Variants in PDZD2 observed in about 807,000 individuals in gnomAD.
The protein encoded by PDZD2 is PDZ domain-containing protein 2.
PDZD2 carries 90 observed loss-of-function variants against 220.7 expected under a neutral mutation model. That is an observed-to-expected ratio of 0.41 (90% CI 0.34 to 0.49). The LOEUF is 0.49. Ranked by LOEUF, PDZD2 falls within the 20% of genes least tolerant of loss-of-function variation. PDZD2 has a pLI of 0.28. For synonymous variants in PDZD2, 1,375 were observed against 1,450.5 expected, an observed-to-expected ratio of 0.95 and a Z score of 1.18; for missense variants, 3,174 against 3,608.5, an observed-to-expected ratio of 0.88 and a Z score of 3.08.
intron 1 of PDZD2, among the ~76,000 whole-genome samples, 182 bp from the exon 2 acceptor site, chr5:31,798,707 G>C (rs1228927950): frequency 6.6e-6 from 1 of 152,152 alleles, no homozygotes; most frequent in Non-Finnish European, 1.5e-5. Context: ...CTGAGAGAAG[G>C]GAGTGTCCAT....
At position 31,725,924 on chromosome 5, in the gene PDZD2, T is replaced by G. The variant is rs962967050; in HGVS notation, c.-360-72965T>G. On this transcript the variant is annotated intron_variant, in intron 1 of 24. Transcript: ENST00000438447. ...CTTCTCACAGGGCCGTTCCTCCAGCTGCCTGGGTCTCCACTCTCTGCCGCA... is the reference window on the plus strand; with the variant it reads ...CTTCTCACAGGGCCGTTCCTCCAGCGGCCTGGGTCTCCACTCTCTGCCGCA... 20 of 680,304 alleles carry G rather than the reference T, an allele frequency of 2.9e-5. No individual in the cohort carries two copies. The Admixed American group carries it at 3.3e-4, about 11-fold the overall frequency. The allele number at this position is 680,304 out of a possible 1,614,324, so 42.1% of individuals were successfully genotyped here.
chr5:31,885,920 GTTT>G (rs11308439), intron 2 of PDZD2, among the ~76,000 whole-genome samples: 3 of 148,094 alleles, frequency 2.0e-5, no homozygotes, highest in South Asian at 2.1e-4. Context: ...TAGTTTTTTG[GTTT>G]TTTTTTTTAA....
intron 21 of PDZD2, among the ~76,000 whole-genome samples, chr5:32,094,148 A>G (rs892622743): frequency 1.3e-5 from 2 of 151,386 alleles, no homozygotes; most frequent in African/African-American, 4.9e-5. Flanking sequence ...CCTGAGTGTG[A>G]GTGGACCTGT....
chr5:32,000,007 G>A lies in PDZD2; in HGVS notation c.1122-132G>A. 1 of 690,228 alleles carries A rather than the reference G, an allele frequency of 1.4e-6. No homozygotes were observed. 42.8% of individuals were successfully genotyped at this position (690,228 alleles called of 1,614,324 possible). On this transcript the variant is annotated intron_variant, in intron 4 of 24. Transcript: ENST00000438447. This position sits in a 1 kb window ranked among gnomAD's most constrained non-coding sequence, Gnocchi z 4.5. ...AACAATCGCATCCCCAACTGCCTCT[G>A]GCCATCACAGTATCCTCTTTAGCCC...
intron 1 of PDZD2, among the ~76,000 whole-genome samples, chr5:31,755,850 C>T (rs757220868): frequency 7.9e-5 from 12 of 151,910 alleles, no homozygotes; most frequent in African/African-American, 4.8e-5. Flanking sequence ...AGAGGAGGAG[C>T]GGGGCCAAGC....
chr5:31,810,129 C>T (rs2150241783), intron 2 of PDZD2, among the ~76,000 whole-genome samples: 1 of 152,280 alleles, frequency 6.6e-6, no homozygotes, highest in South Asian at 2.1e-4. Flanking sequence ...ATAGGCACCC[C>T]TGGGCCATTT....
At chr5:31,726,345 A>G (rs566051913) in intron 1 of PDZD2, among the ~76,000 whole-genome samples, 2 of 152,342 alleles carry the variant, frequency 1.3e-5, no homozygotes, top group East Asian at 3.9e-4. Context: ...CCTGGCCATC[A>G]TGGTGAAACC....
At chr5:32,072,423 T>A in intron 17 of PDZD2, 106 bp downstream of exon 17, 1 of 909,356 alleles carries the variant, frequency 1.1e-6, no homozygotes, top group Non-Finnish European at 1.6e-6. Flanking sequence ...CCTGGCGCTG[T>A]AATACGAGAA....
chr5:31,860,667 T>C (rs1737618611), intron 2 of PDZD2, among the ~76,000 whole-genome samples: 1 of 152,142 alleles, frequency 6.6e-6, no homozygotes, highest in Non-Finnish European at 1.5e-5. Flanking sequence ...TCAGCAGTAG[T>C]CATTAAAAAC....
chr5:31,783,237 G>A (rs151338915), intron 1 of PDZD2, among the ~76,000 whole-genome samples: 101 of 152,190 alleles, frequency 6.6e-4, no homozygotes, highest in African/African-American at 2.3e-3. Context: ...GGGAACACCA[G>A]AAGCATGCAC....
rs912991511 is a variant in PDZD2, at chr5:32,098,942, T to C, written c.8218+308T>C. ...TACATTCACAGCCTCTTGTTAGGAC[T>C]GGTAAGGAAAACAGGAAACTACGTG... On this transcript the variant is annotated intron_variant, in intron 23 of 24. Transcript: ENST00000438447. This position sits in a 1 kb window ranked among gnomAD's most constrained non-coding sequence, Gnocchi z 4.1. Among the ~76,000 whole-genome samples, 1 of 152,178 alleles carries C rather than the reference T, an allele frequency of 6.6e-6. No individual in the cohort carries two copies. Among genetic ancestry groups the C allele is most frequent in the African/African-American group, 2.4e-5 (1 of 41,438 alleles).
intron 2 of PDZD2, among the ~76,000 whole-genome samples, chr5:31,867,594 G>A (rs1287785535): frequency 1.3e-5 from 2 of 152,148 alleles, no homozygotes; most frequent in Non-Finnish European, 1.5e-5. Context: ...AGGGTATCAG[G>A]TGTTCCCTAC....
intron 2 of PDZD2, among the ~76,000 whole-genome samples, chr5:31,980,394 C>T (rs1054651566): frequency 6.6e-6 from 1 of 152,246 alleles, no homozygotes; most frequent in Admixed American, 6.5e-5. Flanking sequence ...AAGAATATTC[C>T]ATTATATGGA....
chr5:31,750,832 G>A lies in PDZD2; in HGVS notation c.-360-48057G>A, dbSNP rs576733691. ...GACTGTGGCTGGAGTGGAGTGAGTA[G>A]GGTGGGTTGTGGGGAAGAAGTAGTC... On this transcript the variant is annotated intron_variant, in intron 1 of 24. Coordinates refer to ENST00000438447, the MANE Select transcript of PDZD2 (RefSeq NM_178140.4). Among the ~76,000 whole-genome samples the A allele has an allele frequency of 6.2e-4, 94 of 152,302 alleles. 1 individual carries two copies. The highest frequency in any genetic ancestry group is 1.5e-3 in the Admixed American group (23 of 15,310).
At chr5:32,035,212 C>A (rs1209034736) in intron 6 of PDZD2, among the ~76,000 whole-genome samples, 1 of 152,002 alleles carries the variant, frequency 6.6e-6, no homozygotes, top group Admixed American at 6.6e-5. Flanking sequence ...AAAGAGATTA[C>A]CTACGTAATT....
At chr5:31,707,574 G>A (rs775545970) in intron 1 of PDZD2, among the ~76,000 whole-genome samples, 33 of 152,182 alleles carry the variant, frequency 2.2e-4, no homozygotes, top group Non-Finnish European at 4.3e-4. Context: ...TGGCTAATAT[G>A]AGTAATACAG....
chr5:31,647,027 T>G (rs566382216), intron 1 of PDZD2, among the ~76,000 whole-genome samples: 1 of 152,288 alleles, frequency 6.6e-6, no homozygotes, highest in South Asian at 2.1e-4. Flanking sequence ...CTTATTGATT[T>G]CTTTATTGGT....
chr5:31,874,878 C>A (rs1739167606), intron 2 of PDZD2, among the ~76,000 whole-genome samples: 1 of 151,562 alleles, frequency 6.6e-6, no homozygotes, highest in African/African-American at 2.4e-5. Context: ...TTTGTTTAAA[C>A]AACAACAACA....
At chr5:31,968,338 A>G (rs1007675855) in intron 2 of PDZD2, among the ~76,000 whole-genome samples, 24 of 152,168 alleles carry the variant, frequency 1.6e-4, no homozygotes, top group Non-Finnish European at 2.8e-4. Context: ...AGCCTGGGCG[A>G]CAGAGTGAGA....
Sources: allele counts gnomAD v4.1 joint callset (sites outside exome capture counted in the v4.1 genomes callset), GRCh38; gene constraint gnomAD v4.1.1; non-coding constraint Gnocchi (gnomAD v3.1); transcripts MANE v1.5; gene names NCBI Gene and HGNC (gene_info 2026-07-23, HGNC 2026-07-21).